Variants in TTC39B observed in about 807,000 individuals in gnomAD.
TTC39B encodes the protein tetratricopeptide repeat protein 39B.
TTC39B carries 92 observed loss-of-function variants against 96.6 expected under a neutral mutation model. The ratio of observed to expected loss-of-function variants is 0.95; its 90% CI spans 0.80 to 1.13. TTC39B has a LOEUF of 1.13. TTC39B is among the 50% of genes most tolerant of loss of function. The pLI is 0.00. For missense variants in TTC39B, 955 were observed against 809.3 expected, an observed-to-expected ratio of 1.18 and a Z score of -2.18; for synonymous variants, 367 against 299.4, an observed-to-expected ratio of 1.23 and a Z score of -2.33.
At chr9:15,213,497 A>C (rs975927279) in intron 4 of TTC39B, among the ~76,000 whole-genome samples, 1 of 152,174 alleles carries the variant, frequency 6.6e-6, no homozygotes, top group Non-Finnish European at 1.5e-5. Context: ...GTAACCACTC[A>C]AAGTAAGGAA....
chr9:15,219,884 T>G (rs4741478), intron 3 of TTC39B, among the ~76,000 whole-genome samples: 7,898 of 152,286 alleles, frequency 0.052, 251 homozygotes, highest in South Asian at 0.068. Flanking sequence ...AAGGGAGGCC[T>G]GCACTTTAGG....
intron 3 of TTC39B, among the ~76,000 whole-genome samples, chr9:15,218,037 G>A (rs1251199597): frequency 9.2e-5 from 14 of 151,888 alleles, no homozygotes; most frequent in Non-Finnish European, 1.2e-4. Context: ...GTGAAACCCC[G>A]TCTCTACTCA....
intron 2 of TTC39B, among the ~76,000 whole-genome samples, chr9:15,243,085 T>C (rs1822116141): frequency 6.6e-6 from 1 of 152,156 alleles, no homozygotes; most frequent in South Asian, 2.1e-4. Context: ...GATGGGGCCC[T>C]CTACCAGGCA....
chr9:15,249,853 A>T, intron 2 of TTC39B: 4 of 1,121,604 alleles, frequency 3.6e-6, no homozygotes, highest in Non-Finnish European at 4.4e-6. Context: ...TTAAACCCTC[A>T]TAGATTTAAA....
chr9:15,189,077 G>T (rs937698965), intron 13 of TTC39B, among the ~76,000 whole-genome samples: 1 of 152,070 alleles, frequency 6.6e-6, no homozygotes, highest in Non-Finnish European at 1.5e-5. Context: ...AATACATTTT[G>T]ATCCCATTTG....
intron 4 of TTC39B, among the ~76,000 whole-genome samples, chr9:15,211,914 G>A (rs1176204612): frequency 2.0e-5 from 3 of 152,226 alleles, no homozygotes; most frequent in Non-Finnish European, 4.4e-5. Context: ...GTCAGACCTT[G>A]TATCTAGTCT....
At chr9:15,198,461 A>AATATATATAT (rs61517681) in intron 8 of TTC39B, among the ~76,000 whole-genome samples, 65 of 117,358 alleles carry the variant, frequency 5.5e-4, no homozygotes, top group East Asian at 1.1e-3. Flanking sequence ...CGGTCGCAAA[A>AATATATATAT]ATATATATAT....
At chr9:15,185,202 C>T in intron 16 of TTC39B, 78 bp downstream of exon 16, 1 of 1,495,592 alleles carries the variant, frequency 6.7e-7, no homozygotes, top group South Asian at 1.4e-5. Context: ...AACTTCATAA[C>T]CAAATTTAGA....
At chr9:15,187,017 T>C (rs1416831318) in exon 15 of TTC39B, 1 of 1,612,924 alleles carries the variant, frequency 6.2e-7, no homozygotes, top group Non-Finnish European at 8.5e-7. Flanking sequence ...ATTGCTGCTT[T>C]CAAGAACACA....
chr9:15,267,066 G>T (rs866204007), intron 2 of TTC39B, among the ~76,000 whole-genome samples: 5 of 152,068 alleles, frequency 3.3e-5, no homozygotes, highest in African/African-American at 9.7e-5. Context: ...GCGACAGAGC[G>T]AGACTCCGTC....
chr9:15,288,847 TCC>T (rs1183916502), intron 1 of TTC39B, among the ~76,000 whole-genome samples: 4 of 151,874 alleles, frequency 2.6e-5, no homozygotes, highest in Non-Finnish European at 5.9e-5. Flanking sequence ...ATCTTTGTGC[TCC>T]CCCACCCATA....
intron 2 of TTC39B, chr9:15,249,905 A>G (rs1229798353): frequency 2.4e-6 from 3 of 1,257,940 alleles, no homozygotes; most frequent in African/African-American, 3.1e-5. Flanking sequence ...CTAAATAAAT[A>G]TGACATACTC....
intron 1 of TTC39B, among the ~76,000 whole-genome samples, chr9:15,281,644 AAAAAAAT>A (rs1161136575): frequency 3.4e-5 from 5 of 148,070 alleles, no homozygotes; most frequent in African/African-American, 1.3e-4. Flanking sequence ...AAAAAAAAAA[AAAAAAAT>A]GGCAAAAAGC....
At position 15,270,382 on chromosome 9, in the gene TTC39B, C is replaced by T. The variant is rs143697554; in HGVS notation, c.241-2434G>A. 1.2e-3 allele frequency among the ~76,000 whole-genome samples: 183 copies of T among 151,970 alleles called. 2 individuals carry two copies. In the East Asian group the frequency reaches 0.026, roughly 22 times the overall value. ...TGATAAGCCCAGCTCATAGTCCCTC[C>T]GGCAGCTCTGCAGACTCCCTCTGCA... On this transcript the variant is annotated intron_variant, in intron 1 of 19. Transcript: ENST00000512701.
chr9:15,208,018 CT>C (rs2131337062), intron 6 of TTC39B, among the ~76,000 whole-genome samples: 1 of 145,940 alleles, frequency 6.9e-6, no homozygotes, highest in Admixed American at 6.8e-5. Flanking sequence ...GCATTATCAT[CT>C]TATTTTTCAA....
At chr9:15,259,648 C>T (rs1476984421) in intron 2 of TTC39B, among the ~76,000 whole-genome samples, 1 of 152,092 alleles carries the variant, frequency 6.6e-6, no homozygotes, top group Non-Finnish European at 1.5e-5. Context: ...TGCAGATGGT[C>T]CCCAACTTAG....
chr9:15,288,667 G>T (rs1365985568), intron 1 of TTC39B, among the ~76,000 whole-genome samples: 2 of 152,244 alleles, frequency 1.3e-5, no homozygotes, highest in Admixed American at 6.5e-5. Context: ...TGGGTACCAA[G>T]AGGACACTAT....
chr9:15,170,301 C>G (rs1335008903), exon 20 of TTC39B: 1 of 139,588 alleles, frequency 7.2e-6, no homozygotes, highest in Non-Finnish European at 1.6e-5. Context: ...ACGGCAGGAG[C>G]AGGTTCATAT....
chr9:15,187,917 A>ATC (rs1818623824), intron 14 of TTC39B, 54 bp downstream of exon 14: 1 of 1,498,944 alleles, frequency 6.7e-7, no homozygotes, highest in African/African-American at 1.4e-5. Context: ...AATGAAAATC[A>ATC]TCCTGGCCAT....
Sources: allele counts gnomAD v4.1 joint callset (sites outside exome capture counted in the v4.1 genomes callset), GRCh38; gene constraint gnomAD v4.1.1; transcripts MANE v1.5; gene names NCBI Gene and HGNC (gene_info 2026-07-23, HGNC 2026-07-21).